Variants in GOLGA5 observed in about 807,000 individuals in gnomAD.
The protein encoded by GOLGA5 is golgin subfamily A member 5.
Under a neutral mutation model 93.5 loss-of-function variants are expected in GOLGA5, and 50 were observed. The ratio of observed to expected loss-of-function variants is 0.53; its 90% confidence interval spans 0.43 to 0.68. The LOEUF is 0.68. Among genes scored for constraint, GOLGA5 ranks in the 30% least tolerant of loss-of-function variants. GOLGA5 has a pLI of 0.00. For missense variants in GOLGA5, 760 were observed against 856.4 expected (o/e 0.89, Z 1.40); for synonymous variants, 312 against 304.5 (o/e 1.02, Z -0.26).
intron 7 of GOLGA5, among the ~76,000 whole-genome samples, chr14:92,816,827 TG>T (rs1885218622): frequency 6.6e-6 from 1 of 152,244 alleles, no homozygotes; most frequent in African/African-American, 2.4e-5. Flanking sequence ...CCCAGAGTGC[TG>T]GGATTGCAGG....
chr14:92,833,175 C>G lies in GOLGA5; in HGVS notation c.1773C>G (p.Leu591=), dbSNP rs201240295. The G allele has an allele frequency of 6.2e-6, 10 of 1,613,226 alleles. No homozygotes were observed. The highest frequency in any genetic ancestry group is 2.5e-6 in the Non-Finnish European group (3 of 1,179,306). ...NSSQSELENR[L]HQLTETLIQK... is the part of the protein sequence containing the mutation. ...GTCAGTCTGAGTTAGAAAATCGACT[C>G]CATCAGCTAACAGAGACTCTCATCC... is the stretch of plus-strand genomic sequence containing the variant. Residue 591 remains leucine (L), a synonymous_variant, in exon 10 of 13, where the codon CTC becomes CTG. Coordinates refer to ENST00000163416, the MANE Select transcript of GOLGA5 (RefSeq NM_005113.4).
chr14:92,809,270 T>C (rs1344965822), intron 3 of GOLGA5, 30 bp from the exon 4 acceptor site: 1 of 1,451,372 alleles, frequency 6.9e-7, no homozygotes, highest in African/African-American at 1.4e-5. Flanking sequence ...TTGGTTTTGC[T>C]TGTATAGAGA....
chr14:92,800,412 T>C (rs1364540191), intron 2 of GOLGA5, among the ~76,000 whole-genome samples: 1 of 152,186 alleles, frequency 6.6e-6, no homozygotes, highest in Non-Finnish European at 1.5e-5. Flanking sequence ...TCTAAGAGGC[T>C]AGTAGAGTAG....
Position 92,839,495 on chromosome 14 carries a change from A to G in GOLGA5, c.*49A>G. On this transcript the variant is annotated 3_prime_UTR_variant, in exon 13 of 13. Coordinates refer to ENST00000163416, the MANE Select transcript of GOLGA5 (RefSeq NM_005113.4). ...TTGGTTGTCTTTTTCTAGACTTGGGATCTGCAAGAAGGCCAATTGCCTAAA... is the reference window on the plus strand; with the variant it reads ...TTGGTTGTCTTTTTCTAGACTTGGGGTCTGCAAGAAGGCCAATTGCCTAAA... 1 of 1,277,186 alleles carries G rather than the reference A, an allele frequency of 7.8e-7. No homozygotes were observed. The highest frequency in any genetic ancestry group is 1.1e-6 in the Non-Finnish European group (1 of 882,798). The allele number at this position is 1,277,186 out of a possible 1,614,324, so 79.1% of individuals were successfully genotyped here. A position where few individuals can be genotyped will look rare whatever the true frequency, so the allele number is the denominator to read the frequency against.
chr14:92,815,752 G>A (rs1457169067), intron 6 of GOLGA5, among the ~76,000 whole-genome samples: 1 of 148,062 alleles, frequency 6.8e-6, no homozygotes, highest in East Asian at 2.0e-4. Context: ...CACCCAGGCT[G>A]GAGTGCGGTG....
chr14:92,826,995 A>G (rs1362171643), intron 9 of GOLGA5, among the ~76,000 whole-genome samples: 1 of 152,224 alleles, frequency 6.6e-6, no homozygotes, highest in Non-Finnish European at 1.5e-5. Context: ...AAAAGAGATT[A>G]TAAAAATAAA....
intron 2 of GOLGA5, among the ~76,000 whole-genome samples, chr14:92,804,777 T>C (rs959577552): frequency 1.3e-5 from 2 of 149,710 alleles, no homozygotes; most frequent in African/African-American, 4.9e-5. Context: ...TGCCTCAGCC[T>C]CCGAAGTAGC....
intron 8 of GOLGA5, 129 bp from the exon 9 acceptor site, chr14:92,824,417 A>G (rs1566959049): frequency 5.5e-6 from 3 of 548,570 alleles, no homozygotes; most frequent in Non-Finnish European, 1.0e-5. Flanking sequence ...TTATAAACTC[A>G]GTTATATACG....
intron 7 of GOLGA5, among the ~76,000 whole-genome samples, chr14:92,816,920 C>T (rs182359158): frequency 2.0e-5 from 3 of 150,394 alleles, no homozygotes; most frequent in African/African-American, 7.3e-5. Flanking sequence ...CCTTTCTTTC[C>T]TTCCTTTCTT....
chr14:92,816,215 C>T (rs1885201021), intron 6 of GOLGA5, 36 bp from the exon 7 acceptor site: 5 of 1,430,958 alleles, frequency 3.5e-6, no homozygotes, highest in Middle Eastern at 3.5e-4. Flanking sequence ...AAACTAATCT[C>T]TGCTTTGCTT....
chr14:92,794,894 C>CTG (rs1884686919), intron 1 of GOLGA5, among the ~76,000 whole-genome samples: 1 of 11,166 alleles, frequency 9.0e-5, no homozygotes, highest in Non-Finnish European at 1.3e-4. Context: ...ATCCCACGCA[C>CTG]TCTCTGCCCC....
intron 2 of GOLGA5, among the ~76,000 whole-genome samples, chr14:92,800,304 TTCACAGAGGG>T (rs1884840676): frequency 6.6e-6 from 1 of 152,208 alleles, no homozygotes; most frequent in Admixed American, 6.5e-5. Context: ...TCAGAAAGGA[TTCACAGAGGG>T]TCTGTATTTT....
intron 6 of GOLGA5, among the ~76,000 whole-genome samples, chr14:92,815,525 T>C (rs1267127597): frequency 6.6e-6 from 1 of 152,004 alleles, no homozygotes; most frequent in South Asian, 2.1e-4. Context: ...ATAAAAACTA[T>C]GAGAAGAAAA....
Position 92,811,650 on chromosome 14 carries a change from A to C in GOLGA5, c.1216A>C (p.Arg406=), listed in dbSNP as rs756803612. The C allele has an allele frequency of 1.5e-5, 24 of 1,612,084 alleles. No individual in the cohort carries two copies. In the Middle Eastern group the frequency reaches 8.2e-4, roughly 55 times the overall value. The stretch of plus-strand genomic sequence containing the variant: ...AAGAAAATACTCAGATGAGAAGAAG[A>C]GGGTTGATGAACTGCAGCAGCAAGT... The part of the protein sequence containing the change: ...AERKYSDEKK[R]VDELQQQVKL... Residue 406 remains arginine, a synonymous_variant, in exon 6 of 13, where the codon AGG becomes CGG. Coordinates refer to ENST00000163416, the MANE Select transcript of GOLGA5 (RefSeq NM_005113.4).
At chr14:92,796,688 C>T (rs12437409) in intron 1 of GOLGA5, among the ~76,000 whole-genome samples, 102,019 of 150,936 alleles carry the variant, frequency 0.68, 35,371 homozygotes, top group East Asian at 0.82. Context: ...AAGATTTGCC[C>T]GGCCGGGCGC....
chr14:92,828,134 T>C (rs1334618087), intron 9 of GOLGA5, among the ~76,000 whole-genome samples: 1 of 152,228 alleles, frequency 6.6e-6, no homozygotes, highest in East Asian at 1.9e-4. Context: ...TCAATGTAGA[T>C]GAAACAGCCT....
At chr14:92,822,683 G>A (rs1436578791) in intron 8 of GOLGA5, among the ~76,000 whole-genome samples, 2 of 152,142 alleles carry the variant, frequency 1.3e-5, no homozygotes, top group East Asian at 3.9e-4. Context: ...TTGAGACGGA[G>A]TGTCGCTCTG....
Position 92,807,858 on chromosome 14 carries a change from A to G in GOLGA5, c.772+895A>G, listed in dbSNP as rs147002094. 2.2e-3 allele frequency among the ~76,000 whole-genome samples: 338 copies of G among 152,258 alleles called. 2 individuals are homozygous for G. The highest frequency in any genetic ancestry group is 7.7e-3 in the African/African-American group (318 of 41,544). The stretch of plus-strand genomic sequence containing the variant: ...AATTGCTGCCTTGGTTCCTGGGGCT[A>G]ATTAGAAAGGAGTGAGGGGATGGTG... On this transcript the variant is annotated intron_variant, in intron 3 of 12. Coordinates refer to ENST00000163416, the MANE Select transcript of GOLGA5 (RefSeq NM_005113.4).
rs780072747 is a variant in GOLGA5, at chr14:92,797,771, C to T, written c.334C>T (p.Arg112Ter). Residue 112 changes from arginine (R) to a stop codon, truncating the protein, a stop_gained, in exon 2 of 13, where the codon CGA becomes TGA. Coordinates refer to ENST00000163416, the MANE Select transcript of GOLGA5 (RefSeq NM_005113.4). LOFTEE classifies it high-confidence loss of function. ...TCCTAGGCCTTCATCCCATTTTGTG[C>T]GAAGAAAAAAGTCAGAACCTGATGA... Reference protein sequence around the residue: ...SVPRPSSHFVRRKKSEPDDEL... With the variant: ...SVPRPSSHFV 3.7e-6 allele frequency: 6 copies of T among 1,612,516 alleles called. No homozygotes were observed. The highest frequency in any genetic ancestry group is 4.2e-6 in the Non-Finnish European group (5 of 1,179,250).
Sources: allele counts gnomAD v4.1 joint callset (sites outside exome capture counted in the v4.1 genomes callset), GRCh38; gene constraint gnomAD v4.1.1; transcripts MANE v1.5; gene names NCBI Gene and HGNC (gene_info 2026-07-23, HGNC 2026-07-21).